The following CPQ variants were observed in gnomAD, a reference collection of about 807,000 sequenced individuals.
CPQ encodes the protein Ser-Met dipeptidase.
CPQ carries 37 observed loss-of-function variants against 45.7 expected under a neutral mutation model. The ratio of observed to expected loss-of-function variants is 0.81; its 90% CI spans 0.62 to 1.07. The LOEUF is 1.07. Ranked by LOEUF, CPQ falls within the 50% of genes least tolerant of loss-of-function variation. The pLI, the probability that CPQ is intolerant of heterozygous loss-of-function variation, is 0.00. For missense variants in CPQ, 537 were observed against 572.9 expected (o/e 0.94, Z 0.64); for synonymous variants, 186 against 205.8 (o/e 0.90, Z 0.82).
chr8:96,858,734 C>G (rs182253731), intron 3 of CPQ, among the ~76,000 whole-genome samples: 1 of 152,120 alleles, frequency 6.6e-6, no homozygotes, highest in African/African-American at 2.4e-5. Context: ...TTTGATAATT[C>G]GTTGCTTTAA....
At chr8:96,898,927 AAT>A (rs1016159642) in intron 4 of CPQ, among the ~76,000 whole-genome samples, 1 of 152,096 alleles carries the variant, frequency 6.6e-6, no homozygotes, top group African/African-American at 2.4e-5. Flanking sequence ...TCTTTTAATT[AAT>A]AGAGTTATGG....
In CPQ at chr8:96,882,248, A is replaced by G. The variant is rs144768071; in HGVS notation, c.849+2243A>G. 6.6e-3 allele frequency among the ~76,000 whole-genome samples: 1,011 copies of G among 152,342 alleles called. 12 individuals carry two copies. In the Middle Eastern group the frequency reaches 0.085, roughly 13 times the overall value. On this transcript the variant is annotated intron_variant, in intron 4 of 7. Coordinates refer to ENST00000220763, the MANE Select transcript of CPQ (RefSeq NM_016134.4). ...GCCACAGGGATGATGGAAAACAAGA[A>G]CTCAGTAGAATCACAGGGAGTCAGA...
chr8:96,746,135 TG>T (rs921216322), intron 1 of CPQ, among the ~76,000 whole-genome samples: 11 of 152,168 alleles, frequency 7.2e-5, no homozygotes, highest in Non-Finnish European at 2.9e-5. Context: ...CCCTATTTGA[TG>T]ATGACTTGAT....
Position 96,785,288 on chromosome 8 carries a change from G to C in CPQ, c.391G>C (p.Ala131Pro), listed in dbSNP as rs1563496636. The change falls in exon 2 of 8, where the codon GCC becomes CCC. Residue 131 changes from alanine to proline, a missense_variant. Physicochemically the swap from Ala to Pro is conservative, Grantham distance 27 (BLOSUM62 -1). Transcript: ENST00000220763. ...VMLEPRIHKI[A>P]ILGLGSSIGT... ...GCTGGAGCCAAGAATTCATAAGATA[G>C]CCATCCTGGGTCTTGGCAGCAGCAT... 4 of 1,612,612 alleles carry C rather than the reference G, an allele frequency of 2.5e-6. No homozygotes were observed. The highest frequency in any genetic ancestry group is 2.2e-5 in the East Asian group (1 of 44,790).
At chr8:96,679,077 T>A (rs987143394) in intron 1 of CPQ, among the ~76,000 whole-genome samples, 7 of 152,138 alleles carry the variant, frequency 4.6e-5, no homozygotes, top group Admixed American at 4.6e-4. Context: ...TGAGTTTATT[T>A]TTGTATATGT....
At chr8:96,881,819 T>C (rs181300311) in intron 4 of CPQ, among the ~76,000 whole-genome samples, 16 of 152,374 alleles carry the variant, frequency 1.1e-4, no homozygotes, top group African/African-American at 3.6e-4. Flanking sequence ...AATAGCTTTG[T>C]TGAGTGTTTG....
intron 1 of CPQ, chr8:96,732,388 C>T (rs530265128): frequency 7.0e-4 from 106 of 152,278 alleles, no homozygotes; most frequent in African/African-American, 2.3e-3. Flanking sequence ...AGGAATAGCA[C>T]GAAGCGGTAG....
At chr8:96,684,792 G>C (rs1809203977) in intron 1 of CPQ, among the ~76,000 whole-genome samples, 2 of 152,098 alleles carry the variant, frequency 1.3e-5, no homozygotes, top group African/African-American at 4.8e-5. Context: ...AGGTGGAGCA[G>C]ATTGATTTAA....
At chr8:96,742,899 G>T (rs1810115569) in intron 1 of CPQ, among the ~76,000 whole-genome samples, 1 of 152,194 alleles carries the variant, frequency 6.6e-6, no homozygotes, top group East Asian at 1.9e-4. Flanking sequence ...CTCTCTGGCT[G>T]CCCTTAACAT....
chr8:96,837,752 A>G (rs147554631), intron 3 of CPQ, among the ~76,000 whole-genome samples: 2 of 152,182 alleles, frequency 1.3e-5, no homozygotes, highest in Admixed American at 6.5e-5. Flanking sequence ...GGGATGTTCC[A>G]TAGCTATTTC....
Position 96,964,524 on chromosome 8 carries a change from C to CAT in CPQ, c.850-1400_850-1399dup, listed in dbSNP as rs375467635. Among the ~76,000 whole-genome samples the CAT allele has an allele frequency of 4.5e-4, 68 of 151,294 alleles. No individual in the cohort carries two copies. In the South Asian group the frequency reaches 9.6e-3, roughly 21 times the overall value. On this transcript the variant is annotated intron_variant, in intron 4 of 7. Coordinates refer to ENST00000220763, the MANE Select transcript of CPQ (RefSeq NM_016134.4). ...TCTTTGTGAATTGTCTGTTCATATA[C>CAT]ATATATATATATGCTGAATATTTTC...
chr8:96,714,811 T>C (rs1809654674), intron 1 of CPQ, among the ~76,000 whole-genome samples: 1 of 152,172 alleles, frequency 6.6e-6, no homozygotes, highest in African/African-American at 2.4e-5. Flanking sequence ...TACTGTGTTT[T>C]CTTTTTTTTC....
At chr8:97,037,576 G>A (rs757720583) in intron 6 of CPQ, among the ~76,000 whole-genome samples, 5 of 152,148 alleles carry the variant, frequency 3.3e-5, no homozygotes, top group Non-Finnish European at 2.9e-5. Flanking sequence ...CACAAAACTG[G>A]TTTAAATTTC....
At position 97,082,198 on chromosome 8, in the gene CPQ, C is replaced by T. The variant is rs567038733; in HGVS notation, c.1255+15988C>T. Among the ~76,000 whole-genome samples the T allele has an allele frequency of 1.5e-4, 23 of 152,314 alleles. No homozygotes were observed. The South Asian group carries it at 4.1e-3, about 27-fold the overall frequency. On this transcript the variant is annotated intron_variant, in intron 7 of 7. Coordinates refer to ENST00000220763, the MANE Select transcript of CPQ (RefSeq NM_016134.4). ...ACATATTCTCTCTCTCTTTCTCTCTCTGGGGCTTATTCCAGCTTCTCTTTT... is the reference window on the plus strand; with the variant it reads ...ACATATTCTCTCTCTCTTTCTCTCTTTGGGGCTTATTCCAGCTTCTCTTTT...
At chr8:97,140,716 T>C (rs756119779) in intron 7 of CPQ, among the ~76,000 whole-genome samples, 1 of 152,066 alleles carries the variant, frequency 6.6e-6, no homozygotes, top group Non-Finnish European at 1.5e-5. Flanking sequence ...TTCTAAAATT[T>C]ATCTGAAAGA....
At chr8:97,112,448 G>T (rs1218498922) in intron 7 of CPQ, among the ~76,000 whole-genome samples, 1 of 152,216 alleles carries the variant, frequency 6.6e-6, no homozygotes, top group Non-Finnish European at 1.5e-5. Context: ...CATGAGGGTG[G>T]CATGGCACAG....
chr8:96,832,112 T>A (rs1811467895), intron 2 of CPQ, among the ~76,000 whole-genome samples: 1 of 152,180 alleles, frequency 6.6e-6, no homozygotes, highest in Non-Finnish European at 1.5e-5. Flanking sequence ...CTCTTTTTGA[T>A]TTGTTGTTTC....
intron 1 of CPQ, among the ~76,000 whole-genome samples, chr8:96,748,138 A>G (rs1179651796): frequency 6.6e-6 from 1 of 152,106 alleles, no homozygotes; most frequent in Non-Finnish European, 1.5e-5. Flanking sequence ...TCTTTTGTGC[A>G]TTACTACAGT....
intron 2 of CPQ, among the ~76,000 whole-genome samples, chr8:96,797,296 C>T (rs1810944430): frequency 6.6e-6 from 1 of 152,182 alleles, no homozygotes; most frequent in Non-Finnish European, 1.5e-5. Flanking sequence ...GTCTTTGTGA[C>T]TCAGAAAAGC....
Sources: gnomAD v4.1 joint callset for allele counts (sites outside exome capture counted in the v4.1 genomes callset) on GRCh38, gnomAD v4.1.1 for gene constraint, MANE v1.5 for transcripts, NCBI Gene and HGNC (gene_info 2026-07-23, HGNC 2026-07-21) for gene names.